The following RERG variants were observed in gnomAD, a reference collection of about 807,000 sequenced individuals.
RERG encodes the protein RAS like estrogen regulated growth inhibitor, also known as ras-related and estrogen-regulated growth inhibitor.
A neutral mutation model predicts 23.2 loss-of-function variants in RERG; 25 were observed. That is an observed-to-expected ratio of 1.08 (90% CI 0.79 to 1.50). The LOEUF is 1.50. Among genes scored for constraint, RERG ranks in the 40% most tolerant of loss-of-function variants. The pLI, the probability that RERG is intolerant of heterozygous loss-of-function variation, is 0.00. For synonymous variants in RERG, 81 were observed against 89.1 expected, an observed-to-expected ratio of 0.91 and a Z score of 0.51; for missense variants, 253 against 250.1, an observed-to-expected ratio of 1.01 and a Z score of -0.08.
At chr12:15,112,632 T>C (rs554348952) in intron 3 of RERG, among the ~76,000 whole-genome samples, 1 of 152,302 alleles carries the variant, frequency 6.6e-6, no homozygotes, top group South Asian at 2.1e-4. Flanking sequence ...AATGAATGAA[T>C]GATTGACCTG....
intron 2 of RERG, among the ~76,000 whole-genome samples, chr12:15,135,536 A>C (rs1591641828): frequency 6.6e-6 from 1 of 152,114 alleles, no homozygotes; most frequent in Non-Finnish European, 1.5e-5. Flanking sequence ...GTTAGCTATA[A>C]GTTTCTTGTA....
At chr12:15,180,596 C>T (rs1864910495) in intron 2 of RERG, among the ~76,000 whole-genome samples, 1 of 152,186 alleles carries the variant, frequency 6.6e-6, no homozygotes, top group African/African-American at 2.4e-5. Context: ...ATCCACAGCA[C>T]CCTCTAACTG....
In RERG at chr12:15,217,547, T is replaced by G. The variant is rs1033109520; in HGVS notation, c.-58A>C. 2.4e-6 allele frequency: 3 copies of G among 1,230,506 alleles called. No individual in the cohort carries two copies. Among genetic ancestry groups the G allele is most frequent in the South Asian group, 1.2e-5 (1 of 82,990 alleles). The allele number at this position is 1,230,506 out of a possible 1,614,324, so 76.2% of individuals were successfully genotyped here. A position where few individuals can be genotyped will look rare whatever the true frequency, so the allele number is the denominator to read the frequency against. ...AAACTAAAGCACTGAGTAAATCTTTTTGGTTCCAGTCTTTGGATTCACCAT... is the reference window on the plus strand; with the variant it reads ...AAACTAAAGCACTGAGTAAATCTTTGTGGTTCCAGTCTTTGGATTCACCAT... On this transcript the variant is annotated 5_prime_UTR_variant, in exon 2 of 5. Transcript: ENST00000256953.
chr12:15,190,377 A>G (rs955558480), intron 2 of RERG, among the ~76,000 whole-genome samples: 2 of 152,158 alleles, frequency 1.3e-5, no homozygotes, highest in Non-Finnish European at 1.5e-5. Context: ...TTTGGGCTGC[A>G]TTCAAAGCTG....
At chr12:15,204,553 T>C (rs778986402) in intron 2 of RERG, among the ~76,000 whole-genome samples, 5 of 151,754 alleles carry the variant, frequency 3.3e-5, no homozygotes, top group Non-Finnish European at 7.4e-5. Flanking sequence ...TGAATTGCTA[T>C]GAAGATAATA....
chr12:15,146,107 C>T (rs1214318416), intron 2 of RERG, among the ~76,000 whole-genome samples: 4 of 152,120 alleles, frequency 2.6e-5, no homozygotes, highest in Admixed American at 1.3e-4. Flanking sequence ...AAAGTAGTAA[C>T]GCTTTTTGAG....
chr12:15,172,716 T>A (rs562296507), intron 2 of RERG, among the ~76,000 whole-genome samples: 21 of 152,262 alleles, frequency 1.4e-4, no homozygotes, highest in African/African-American at 5.1e-4. Flanking sequence ...TTGATTTGCA[T>A]TTCCCTAATG....
At chr12:15,155,808 T>C (rs796649271) in intron 2 of RERG, among the ~76,000 whole-genome samples, 1 of 152,068 alleles carries the variant, frequency 6.6e-6, no homozygotes, top group South Asian at 2.1e-4. Flanking sequence ...AGCTGGATCT[T>C]TCACCCCTTT....
intron 2 of RERG, among the ~76,000 whole-genome samples, chr12:15,191,551 C>T (rs895368371): frequency 8.5e-5 from 13 of 152,156 alleles, no homozygotes; most frequent in Admixed American, 7.9e-4. Flanking sequence ...AACTTCTTAA[C>T]ACAATGTGCA....
intron 2 of RERG, among the ~76,000 whole-genome samples, chr12:15,159,494 T>C (rs911817026): frequency 1.3e-5 from 2 of 152,238 alleles, no homozygotes; most frequent in African/African-American, 4.8e-5. Flanking sequence ...AGTTATTGAT[T>C]TGGACATATT....
chr12:15,195,333 A>C (rs1865128363), intron 2 of RERG, among the ~76,000 whole-genome samples: 1 of 152,154 alleles, frequency 6.6e-6, no homozygotes, highest in South Asian at 2.1e-4. Context: ...TCCACCTCTC[A>C]CACAAGTGGC....
intron 2 of RERG, among the ~76,000 whole-genome samples, chr12:15,123,492 T>C (rs888143600): frequency 6.8e-6 from 1 of 146,504 alleles, no homozygotes; most frequent in Non-Finnish European, 1.5e-5. Context: ...TATATAAATA[T>C]ATATATATTC....
intron 2 of RERG, among the ~76,000 whole-genome samples, chr12:15,163,840 CT>C (rs1442715228): frequency 1.3e-5 from 2 of 152,058 alleles, no homozygotes; most frequent in Non-Finnish European, 1.5e-5. Flanking sequence ...GTAATTAGAA[CT>C]CTAGATGGGA....
intron 2 of RERG, among the ~76,000 whole-genome samples, chr12:15,193,960 T>C (rs1865107373): frequency 6.6e-6 from 1 of 152,146 alleles, no homozygotes; most frequent in African/African-American, 2.4e-5. Context: ...TGCTTCTTTT[T>C]ATTCTTACTT....
chr12:15,142,781 A>G (rs1864259170), intron 2 of RERG, among the ~76,000 whole-genome samples: 1 of 152,216 alleles, frequency 6.6e-6, no homozygotes, highest in African/African-American at 2.4e-5. Flanking sequence ...AACCACCTAA[A>G]AAAAACCCCT....
chr12:15,214,000 G>GTGTGTA (rs1555132597), intron 2 of RERG, among the ~76,000 whole-genome samples: 2 of 32,438 alleles, frequency 6.2e-5, no homozygotes, highest in Admixed American at 2.5e-4. Flanking sequence ...GAAAGTATGT[G>GTGTGTA]TGTGTGTGTG....
At chr12:15,195,255 T>C (rs150814693) in intron 2 of RERG, among the ~76,000 whole-genome samples, 62 of 152,028 alleles carry the variant, frequency 4.1e-4, no homozygotes, top group African/African-American at 1.4e-3. Flanking sequence ...CCAAAACGAC[T>C]GGGATGAGCC....
intron 3 of RERG, among the ~76,000 whole-genome samples, chr12:15,117,671 A>ACG (rs112757751): frequency 6.2e-4 from 42 of 67,970 alleles, no homozygotes; most frequent in Non-Finnish European, 6.0e-4. Context: ...TCCATCACAC[A>ACG]CGCGCACACA....
intron 2 of RERG, among the ~76,000 whole-genome samples, chr12:15,125,286 G>A (rs1863917885): frequency 6.6e-6 from 1 of 151,864 alleles, no homozygotes; most frequent in South Asian, 2.1e-4. Flanking sequence ...TATGGGTTGT[G>A]ATATGTATAT....
Sources: allele counts gnomAD v4.1 joint callset (sites outside exome capture counted in the v4.1 genomes callset), GRCh38; gene constraint gnomAD v4.1.1; transcripts MANE v1.5; gene names NCBI Gene and HGNC (gene_info 2026-07-23, HGNC 2026-07-21).